The following UPF3B variants were observed in gnomAD, a reference collection of about 807,000 sequenced individuals.
UPF3B encodes regulator of nonsense transcripts 3B.
UPF3B carries 7 observed loss-of-function variants against 40.3 expected under a neutral mutation model. The observed-to-expected ratio is 0.17, with a 90% CI of 0.10 to 0.33. UPF3B has a LOEUF of 0.33. Ranked by LOEUF, UPF3B falls within the 10% of genes least tolerant of loss-of-function variation. UPF3B has a pLI of 1.00. For synonymous variants in UPF3B, 117 were observed against 117.3 expected (o/e 1.00, Z 0.01); for missense variants, 229 against 358.9 (o/e 0.64, Z 2.93).
chrX:119,811,903 G>C, intron 5 of UPF3B, among the ~76,000 whole-genome samples: 1 of 111,083 alleles, frequency 9.0e-6, no homozygotes, highest in Non-Finnish European at 1.9e-5. Context: ...AGTGAGCCGT[G>C]ATTGTGCCAT....
At chrX:119,806,970 A>C (rs2055796278) in intron 6 of UPF3B, among the ~76,000 whole-genome samples, 2 of 96,214 alleles carry the variant, frequency 2.1e-5, no homozygotes, top group Admixed American at 2.4e-4. Context: ...TGGAGGTTGC[A>C]GTGAACCGAC....
At chrX:119,807,044 A>AG (rs2055797892) in intron 6 of UPF3B, among the ~76,000 whole-genome samples, 2 of 97,134 alleles carry the variant, frequency 2.1e-5, no homozygotes, top group African/African-American at 8.9e-5. Flanking sequence ...AAAAAAAAAA[A>AG]AAAAAAAGAA....
At chrX:119,809,581 G>T (rs1287960041) in intron 5 of UPF3B, among the ~76,000 whole-genome samples, 1 of 111,493 alleles carries the variant, frequency 9.0e-6, no homozygotes. Context: ...AATTAGCCAG[G>T]TGTGGTGGTT....
intron 3 of UPF3B, among the ~76,000 whole-genome samples, chrX:119,823,633 G>A (rs560216040): frequency 4.1e-4 from 40 of 98,256 alleles, no homozygotes; most frequent in African/African-American, 1.3e-3. Flanking sequence ...GTGTGATCTC[G>A]GCTCACTGCA....
chrX:119,808,054 G>A (rs763232018), intron 5 of UPF3B, among the ~76,000 whole-genome samples: 4 of 111,839 alleles, frequency 3.6e-5, no homozygotes, highest in South Asian at 7.5e-4. Context: ...CTTGGCCTCC[G>A]AAATGCTAGG....
chrX:119,822,937 C>G (rs1303980732), intron 4 of UPF3B: 5 of 916,468 alleles, frequency 5.5e-6, no homozygotes, highest in Non-Finnish European at 6.9e-6. Context: ...GCTAATACCA[C>G]TTTCCTGCTT....
At chrX:119,849,077 C>T (rs1471216505) in intron 3 of UPF3B, among the ~76,000 whole-genome samples, 2 of 112,031 alleles carry the variant, frequency 1.8e-5, no homozygotes, top group Non-Finnish European at 3.8e-5. Context: ...AAATCATTGG[C>T]ATGTAGACAT....
At chrX:119,833,922 G>C (rs979259370), downstream of UPF3B, 10 of 537,509 alleles carry the variant, frequency 1.9e-5, no homozygotes, top group Non-Finnish European at 2.3e-5. Context: ...ATGAGTTAAA[G>C]CTCCCTTAGG....
chrX:119,846,463 G>C (rs2056233514), intron 3 of UPF3B, among the ~76,000 whole-genome samples: 4 of 104,755 alleles, frequency 3.8e-5, no homozygotes, highest in Non-Finnish European at 7.8e-5. Flanking sequence ...GGGAGGCGGA[G>C]GTTGCAGTAA....
At chrX:119,831,785 G>C (rs1162763283), downstream of UPF3B, 4 of 626,487 alleles carry the variant, frequency 6.4e-6, no homozygotes, top group Non-Finnish European at 7.6e-6. Context: ...ATATGTTACT[G>C]TTACAACAAT....
At position 119,813,690 on chromosome X, in the gene UPF3B, T is replaced by A. The variant is rs181073993; in HGVS notation, c.602+1510A>T. Among the ~76,000 whole-genome samples, 429 of 108,513 alleles carry A rather than the reference T, an allele frequency of 4.0e-3. 6 individuals carry two copies. The highest frequency in any genetic ancestry group is 0.013 in the African/African-American group (377 of 29,745). 94.2% of individuals were successfully genotyped at this position (108,513 alleles called of 115,157 possible). A position where few individuals can be genotyped will look rare whatever the true frequency, so the allele number is the denominator to read the frequency against. On this transcript the variant is annotated intron_variant, in intron 5 of 6. Coordinates refer to the UPF3B transcript ENST00000636792. ...GATTCTCCTGCCTCGGCCTCCCGAG[T>A]AGCTTGGATTACAGGAGCGTGCCAC... is the stretch of plus-strand genomic sequence containing the variant.
rs557005278 is a variant in UPF3B at position 119,852,899 on chromosome X, C to T, written c.30G>A (p.Lys10=). 58 of 1,211,301 alleles carry T rather than the reference C, an allele frequency of 4.8e-5. No homozygotes were observed. The South Asian group carries it at 9.8e-4, about 21-fold the overall frequency. ...GGGTTAACAGGGTTACTCGCTTCTCCTTAGGCCTGTGCTCCTTCTCTTCCT... is the reference window on the plus strand; with the variant it reads ...GGGTTAACAGGGTTACTCGCTTCTCTTTAGGCCTGTGCTCCTTCTCTTCCT... MKEEKEHRP[K]EKRVTLLTPA... The change falls in exon 1 of 11, where the codon AAG becomes AAA. Residue 10 remains lysine, a synonymous_variant. Transcript: ENST00000276201.
intron 4 of UPF3B, among the ~76,000 whole-genome samples, chrX:119,844,040 G>T (rs2056197343): frequency 9.0e-6 from 1 of 111,448 alleles, no homozygotes; most frequent in Non-Finnish European, 1.9e-5. Context: ...TTCAGTTCTT[G>T]TATTTCTTTC....
intron 3 of UPF3B, among the ~76,000 whole-genome samples, chrX:119,848,800 G>A (rs949715291): frequency 9.0e-6 from 1 of 111,612 alleles, no homozygotes; most frequent in Non-Finnish European, 1.9e-5. Context: ...AAGTAGATTA[G>A]TGGTTGCCAG....
chrX:119,842,416 T>C (rs1478025583), intron 5 of UPF3B, among the ~76,000 whole-genome samples: 8 of 109,674 alleles, frequency 7.3e-5, no homozygotes, highest in Non-Finnish European at 1.5e-4. Flanking sequence ...AAACCCCGGC[T>C]CTACTAAAAA....
downstream of UPF3B, among the ~76,000 whole-genome samples, chrX:119,832,059 AG>A (rs2056042527): frequency 8.9e-6 from 1 of 111,920 alleles, no homozygotes; most frequent in South Asian, 3.7e-4. Context: ...TTCCAGATAC[AG>A]GCGATCCTCC....
chrX:119,841,679 G>T, intron 6 of UPF3B, 56 bp downstream of exon 6: 2 of 1,066,653 alleles, frequency 1.9e-6, no homozygotes, highest in Non-Finnish European at 1.3e-6. Flanking sequence ...AATGTTTATA[G>T]AATGCAAAGC....
intron 4 of UPF3B, among the ~76,000 whole-genome samples, chrX:119,844,950 T>C (rs1277087237): frequency 3.6e-5 from 4 of 112,235 alleles, no homozygotes; most frequent in East Asian, 2.8e-4. Flanking sequence ...TGTTACTCAA[T>C]AGTCAACATT....
At chrX:119,835,150 G>A (rs2056078466) in intron 10 of UPF3B, 123 bp from the exon 11 acceptor site, 3 of 795,576 alleles carry the variant, frequency 3.8e-6, no homozygotes, top group African/African-American at 2.0e-5. Context: ...CCAAAAATGT[G>A]AGGGCACGGT....
Sources: allele counts gnomAD v4.1 joint callset (sites outside exome capture counted in the v4.1 genomes callset), GRCh38; gene constraint gnomAD v4.1.1; transcripts MANE v1.5; gene names NCBI Gene and HGNC (gene_info 2026-07-23, HGNC 2026-07-21).